PSMG4: variants seen among roughly 807,000 people sequenced by gnomAD.
The protein encoded by PSMG4 is proteasome (prosome, macropain) assembly chaperone 4.
A neutral mutation model predicts 11.0 loss-of-function variants in PSMG4; 10 were observed. That is an observed-to-expected ratio of 0.91 (90% confidence interval 0.56 to 1.54). The LOEUF (loss-of-function observed/expected upper bound fraction) is 1.54. Ranked by LOEUF, PSMG4 falls within the 40% of genes most tolerant of loss-of-function variation. The probability of loss-of-function intolerance (pLI) is 0.00; values close to 1 mark genes in which losing one functional copy is unlikely to be tolerated. For synonymous variants in PSMG4, 95 were observed against 71.3 expected (o/e 1.33, Z -1.68); for missense variants, 198 against 160.9 (o/e 1.23, Z -1.25).
At chr6:3,263,262 C>A (rs762912234) in intron 1 of PSMG4, among the ~76,000 whole-genome samples, 2 of 152,230 alleles carry the variant, frequency 1.3e-5, no homozygotes, top group African/African-American at 4.8e-5. Context: ...GGCATCCTGC[C>A]TCTGAGCCAG....
intron 1 of PSMG4, among the ~76,000 whole-genome samples, chr6:3,260,283 A>G (rs1269436494): frequency 2.3e-4 from 7 of 30,224 alleles, no homozygotes; most frequent in African/African-American, 9.1e-4. Context: ...AATTGTATAT[A>G]TATATATATT....
upstream of PSMG4, chr6:3,255,241 A>G (rs117004022): frequency 1.6e-5 from 25 of 1,549,140 alleles, no homozygotes; most frequent in East Asian, 4.9e-5. Flanking sequence ...TAAGCCTTCC[A>G]TGCTGTTGGG....
At chr6:3,263,791 G>C in intron 2 of PSMG4, 32 bp downstream of exon 2, 1 of 1,540,952 alleles carries the variant, frequency 6.5e-7, no homozygotes, top group Non-Finnish European at 8.8e-7. Context: ...TGCATGGCCA[G>C]CCAGGTGGGG....
chr6:3,258,363 C>T (rs143259851), upstream of PSMG4, among the ~76,000 whole-genome samples: 635 of 152,326 alleles, frequency 4.2e-3, 2 homozygotes, highest in Middle Eastern at 0.01. Flanking sequence ...GGTGCCTGCC[C>T]ATCCTCCTGC....
At chr6:3,259,380 G>GCGCGGGC (rs1460172766) in intron 1 of PSMG4, among the ~76,000 whole-genome samples, 184 bp downstream of exon 1, 1 of 152,172 alleles carries the variant, frequency 6.6e-6, no homozygotes, top group Non-Finnish European at 1.5e-5. Flanking sequence ...CGGGAGCTGC[G>GCGCGGGC]CGCGGGCCCC....
At chr6:3,254,804 A>C (rs544149944), upstream of PSMG4, among the ~76,000 whole-genome samples, 2 of 152,232 alleles carry the variant, frequency 1.3e-5, no homozygotes, top group Admixed American at 6.5e-5. Context: ...GGTCAGAGCA[A>C]CAAGACACCA....
intron 1 of PSMG4, among the ~76,000 whole-genome samples, chr6:3,260,291 A>ATATATATATATATATTTTTTTTT: frequency 2.8e-5 from 2 of 70,862 alleles, no homozygotes; most frequent in East Asian, 4.6e-4. Flanking sequence ...ATATATATAT[A>ATATATATATATATATTTTTTTTT]TTTTTTTTTT....
intron 1 of PSMG4, among the ~76,000 whole-genome samples, chr6:3,262,105 T>C (rs1758012824): frequency 6.6e-6 from 1 of 152,060 alleles, no homozygotes; most frequent in African/African-American, 2.4e-5. Context: ...TGACACTGAG[T>C]CCTACCAGCT....
chr6:3,261,781 C>T (rs114128662), intron 1 of PSMG4, among the ~76,000 whole-genome samples: 2,447 of 152,246 alleles, frequency 0.016, 46 homozygotes, highest in Middle Eastern at 0.034. Flanking sequence ...ACCTGTGACC[C>T]GTGGGCCAGC....
chr6:3,254,838 G>A (rs781516603), upstream of PSMG4, among the ~76,000 whole-genome samples: 2 of 152,118 alleles, frequency 1.3e-5, no homozygotes, highest in African/African-American at 2.4e-5. Flanking sequence ...TGGGACCTTA[G>A]AAAACACTTT....
chr6:3,255,022 A>G (rs758406854), upstream of PSMG4: 10 of 1,548,512 alleles, frequency 6.5e-6, no homozygotes, highest in Admixed American at 3.9e-5. Flanking sequence ...GAGCGCTGGG[A>G]TAATGGCGCT....
At chr6:3,261,711 G>A (rs536795983) in intron 1 of PSMG4, among the ~76,000 whole-genome samples, 133 of 152,296 alleles carry the variant, frequency 8.7e-4, no homozygotes, top group African/African-American at 3.1e-3. Flanking sequence ...GTAGGCATTA[G>A]CTTAAGGCAG....
chr6:3,264,359 C>G, intron 2 of PSMG4: 1 of 1,539,416 alleles, frequency 6.5e-7, no homozygotes, highest in Non-Finnish European at 8.8e-7. Flanking sequence ...ACCCCCAGCC[C>G]CAGTGCCTGT....
At chr6:3,264,535 A>G (rs777537442) in intron 2 of PSMG4, 2 of 959,612 alleles carry the variant, frequency 2.1e-6, no homozygotes, top group Non-Finnish European at 3.0e-6. Context: ...CACGAATAGC[A>G]TGGCACCTGG....
upstream of PSMG4, chr6:3,255,004 C>A (rs775816866): frequency 9.1e-5 from 140 of 1,541,520 alleles, no homozygotes; most frequent in Middle Eastern, 2.9e-3. Flanking sequence ...TAGCGCACTC[C>A]CATGTGGGAG....
At chr6:3,263,815 G>A (rs1243409638) in intron 2 of PSMG4, 56 bp downstream of exon 2, 2 of 1,527,406 alleles carry the variant, frequency 1.3e-6, no homozygotes, top group Admixed American at 2.2e-5. Context: ...ACTCTTTAAT[G>A]GAACCATGAA....
upstream of PSMG4, among the ~76,000 whole-genome samples, chr6:3,254,491 G>A (rs1364947775): frequency 6.6e-6 from 1 of 151,828 alleles, no homozygotes; most frequent in Admixed American, 6.6e-5. Context: ...TGTTGCTGGT[G>A]GTTTTTTGTG....
intron 1 of PSMG4, 38 bp downstream of exon 1, chr6:3,259,234 G>A: frequency 2.4e-6 from 3 of 1,248,234 alleles, no homozygotes; most frequent in Non-Finnish European, 3.0e-6. Flanking sequence ...GCGGCGGGGC[G>A]GGGGCGCGGG....
chr6:3,254,695 A>C (rs932391214), upstream of PSMG4, among the ~76,000 whole-genome samples: 4 of 152,090 alleles, frequency 2.6e-5, no homozygotes, highest in African/African-American at 9.7e-5. Context: ...CAACAGAAAG[A>C]AGCTGTGGGA....
Sources: gnomAD v4.1 joint callset for allele counts (sites outside exome capture counted in the v4.1 genomes callset) on GRCh38, gnomAD v4.1.1 for gene constraint, MANE v1.5 for transcripts, NCBI Gene and HGNC (gene_info 2026-07-23, HGNC 2026-07-21) for gene names.